The following PACRGL variants were observed in gnomAD, a reference collection of about 807,000 sequenced individuals.
PACRGL encodes the protein PACRG-like protein.
In PACRGL, 38 loss-of-function variants were observed where a neutral mutation model predicts 34.5. The ratio of observed to expected loss-of-function variants is 1.10; its 90% CI spans 0.85 to 1.44. The LOEUF (loss-of-function observed/expected upper bound fraction) is 1.44, where lower values mean the gene tolerates loss of function less well. PACRGL is among the 40% of genes most tolerant of loss of function. The pLI is 0.00. For missense variants in PACRGL, 305 were observed against 281.4 expected, an observed-to-expected ratio of 1.08 and a Z score of -0.60; for synonymous variants, 128 against 100.1, an observed-to-expected ratio of 1.28 and a Z score of -1.66.
chr4:20,718,947 A>T (rs1741559738), intron 7 of PACRGL: 1 of 152,154 alleles, frequency 6.6e-6, no homozygotes, highest in Non-Finnish European at 1.5e-5. Context: ...TCAGCTGTGA[A>T]TCCATCTGGT....
intron 7 of PACRGL, among the ~76,000 whole-genome samples, chr4:20,717,807 G>C (rs1489930385): frequency 6.6e-6 from 1 of 152,104 alleles, no homozygotes; most frequent in African/African-American, 2.4e-5. Flanking sequence ...GGATTGTCTT[G>C]GCAATGTGGG....
chr4:20,729,425 T>TATTA lies in PACRGL; in HGVS notation c.*2086_*2089dup, dbSNP rs761603266. 1.3e-5 allele frequency: 2 copies of TATTA among 152,582 alleles called. No individual in the cohort carries two copies. Among genetic ancestry groups the TATTA allele is most frequent in the African/African-American group, 2.4e-5 (1 of 41,520 alleles). 9.5% of individuals were successfully genotyped at this position (152,582 alleles called of 1,614,324 possible). On this transcript the variant is annotated 3_prime_UTR_variant, in exon 9 of 9. Coordinates refer to ENST00000503585, the MANE Select transcript of PACRGL (RefSeq NM_001258345.3). Reference sequence around the variant, plus strand: ...AACATATTATGGAAAATTAAATGCTTATTAAAATAAGTTTTATTAGGCATA... The same window carrying TATTA: ...AACATATTATGGAAAATTAAATGCTTATTAATTAAAATAAGTTTTATTAGGCATA...
chr4:20,750,658 T>C (rs184672355), intron 8 of PACRGL, among the ~76,000 whole-genome samples: 257 of 152,314 alleles, frequency 1.7e-3, no homozygotes, highest in African/African-American at 5.0e-3. Context: ...TTTTTCCTTA[T>C]TGTTTTCTGT....
At chr4:20,759,386 A>G in the PACRGL span, among the ~76,000 whole-genome samples, 3 of 152,176 alleles carry the variant, frequency 2.0e-5, no homozygotes, top group African/African-American at 7.2e-5. Flanking sequence ...CAGGATGTCT[A>G]GGCATACCCA....
At chr4:20,719,131 G>A (rs1200336774) in intron 7 of PACRGL, among the ~76,000 whole-genome samples, 9 of 152,178 alleles carry the variant, frequency 5.9e-5, no homozygotes. Context: ...GGTGTTTATA[G>A]TATTCTCTGA....
At position 20,704,465 on chromosome 4, in the gene PACRGL, G is replaced by A. The variant is rs1296911293; in HGVS notation, c.-16-1G>A. The stretch of plus-strand genomic sequence containing the variant: ...TCAACTTTTTTTTTTTTAAACTGCA[G>A]GAGTGAAAGGGAAGCAATGCAGAAA... On this transcript the variant is annotated splice_acceptor_variant, in intron 1 of 8. Transcript: ENST00000503585. LOFTEE classifies it low-confidence loss of function (5UTR_SPLICE). 2 of 1,611,982 alleles carry A rather than the reference G, an allele frequency of 1.2e-6. No homozygotes were observed. The highest frequency in any genetic ancestry group is 8.5e-7 in the Non-Finnish European group (1 of 1,179,478).
chr4:20,714,567 G>T (rs537044804), intron 7 of PACRGL, among the ~76,000 whole-genome samples: 1 of 152,122 alleles, frequency 6.6e-6, no homozygotes, highest in African/African-American at 2.4e-5. Flanking sequence ...TATTTTGCTC[G>T]TTAGTTGATG....
chr4:20,765,765 A>G, the PACRGL span, among the ~76,000 whole-genome samples: 1 of 152,176 alleles, frequency 6.6e-6, no homozygotes, highest in South Asian at 2.1e-4. Flanking sequence ...ACACAATAAA[A>G]GTAGAATGAG....
intron 7 of PACRGL, among the ~76,000 whole-genome samples, chr4:20,723,012 A>G (rs887785843): frequency 1.3e-5 from 2 of 152,194 alleles, no homozygotes; most frequent in African/African-American, 2.4e-5. Context: ...ACCTGTTCCA[A>G]TACACCCTAG....
At chr4:20,748,894 G>GTATATA (rs57841958) in intron 8 of PACRGL, among the ~76,000 whole-genome samples, 17 of 145,258 alleles carry the variant, frequency 1.2e-4, no homozygotes, top group Admixed American at 4.2e-4. Flanking sequence ...GTGTGTGTGT[G>GTATATA]TATATATATA....
At chr4:20,714,997 C>G (rs1418919853) in intron 7 of PACRGL, among the ~76,000 whole-genome samples, 1 of 152,140 alleles carries the variant, frequency 6.6e-6, no homozygotes, top group East Asian at 1.9e-4. Context: ...TGGCACTACT[C>G]AAAATAGCAA....
At chr4:20,767,109 C>T in the PACRGL span, 3 of 152,144 alleles carry the variant, frequency 2.0e-5, no homozygotes, top group Non-Finnish European at 4.4e-5. Flanking sequence ...CTCCATCACG[C>T]AATGAGTCAC....
intron 5 of PACRGL, 124 bp from the exon 6 acceptor site, chr4:20,712,663 TA>T: frequency 1.1e-6 from 1 of 902,978 alleles, no homozygotes; most frequent in Non-Finnish European, 1.5e-6. Context: ...ACTGAAATTA[TA>T]ATCATGATTA....
Position 20,713,491 on chromosome 4 carries a change from C to T in PACRGL, c.561C>T (p.Val187=), listed in dbSNP as rs371117257. 7.0e-5 allele frequency: 113 copies of T among 1,613,564 alleles called. No individual in the cohort carries two copies. The highest frequency in any genetic ancestry group is 3.3e-4 in the Middle Eastern group (2 of 6,080). ...TGAATGCTCTAGTTCAGCTAAGTGT[C>T]GTTGTTGGTCCTTCTCTAAACGACC... ...RGLNALVQLS[V]VVGPSLNDHL... is the part of the protein sequence containing the mutation. Residue 187 remains valine (V), a synonymous_variant, in exon 7 of 9, where the codon GTC becomes GTT. Coordinates refer to ENST00000503585, the MANE Select transcript of PACRGL (RefSeq NM_001258345.3).
At chr4:20,701,742 C>T in intron 1 of PACRGL, 1 of 403,086 alleles carries the variant, frequency 2.5e-6, no homozygotes, top group Admixed American at 3.0e-5. Flanking sequence ...CTCCAGGACT[C>T]CCTCCCTCCC....
chr4:20,746,743 G>A (rs1370002633), intron 8 of PACRGL, among the ~76,000 whole-genome samples: 1 of 152,106 alleles, frequency 6.6e-6, no homozygotes, highest in Admixed American at 6.6e-5. Context: ...GCCGCTGGGT[G>A]GCAAAATGGA....
In PACRGL at chr4:20,732,314, C is replaced by G. The variant is rs1158120416; in HGVS notation, c.*4973C>G. On this transcript the variant is annotated 3_prime_UTR_variant, in exon 9 of 9. Transcript: ENST00000503585. Reference sequence around the variant, plus strand: ...GAGTCACTCTGTCCTAGGTAAAATCCCACCTTCTAGATGTGACAGAGCTTG... The same window carrying G: ...GAGTCACTCTGTCCTAGGTAAAATCGCACCTTCTAGATGTGACAGAGCTTG... Among the ~76,000 whole-genome samples, 1 of 152,086 alleles carries G rather than the reference C, an allele frequency of 6.6e-6. No individual in the cohort carries two copies. Among genetic ancestry groups the G allele is most frequent in the Non-Finnish European group, 1.5e-5 (1 of 68,004 alleles).
At chr4:20,741,848 G>A (rs565350980) in intron 8 of PACRGL, among the ~76,000 whole-genome samples, 2 of 152,200 alleles carry the variant, frequency 1.3e-5, no homozygotes, top group Admixed American at 6.5e-5. Flanking sequence ...AGAAAAGAGA[G>A]AAGAATCAAA....
In PACRGL at chr4:20,727,993, T is replaced by C. The variant is rs1216491743; in HGVS notation, c.*652T>C. On this transcript the variant is annotated 3_prime_UTR_variant, in exon 9 of 9. Coordinates refer to ENST00000503585, the MANE Select transcript of PACRGL (RefSeq NM_001258345.3). ...CTTGTAGAGATGGGATCTCACTCTGTTGTCCAGGCTGGTCTCAGAATTCTG... is the reference window on the plus strand; with the variant it reads ...CTTGTAGAGATGGGATCTCACTCTGCTGTCCAGGCTGGTCTCAGAATTCTG... The C allele has an allele frequency of 6.6e-6, 1 of 152,396 alleles. No individual in the cohort carries two copies. The highest frequency in any genetic ancestry group is 2.4e-5 in the African/African-American group (1 of 41,456). 9.4% of individuals were successfully genotyped at this position (152,396 alleles called of 1,614,324 possible). A position where few individuals can be genotyped will look rare whatever the true frequency, so the allele number is the denominator to read the frequency against.
Sources: gnomAD v4.1 joint callset for allele counts (sites outside exome capture counted in the v4.1 genomes callset) on GRCh38, gnomAD v4.1.1 for gene constraint, MANE v1.5 for transcripts, NCBI Gene and HGNC (gene_info 2026-07-23, HGNC 2026-07-21) for gene names.